STK32B: variants seen among roughly 807,000 people sequenced by gnomAD.
The protein encoded by STK32B is serine/threonine-protein kinase 32B.
Under a neutral mutation model 52.6 loss-of-function variants are expected in STK32B, and 43 were observed. That is an observed-to-expected ratio of 0.82 (90% CI 0.64 to 1.05). The LOEUF (loss-of-function observed/expected upper bound fraction) is 1.05, where lower values mean the gene tolerates loss of function less well. STK32B is among the 50% of genes least tolerant of loss of function. STK32B has a pLI of 0.00. For missense variants in STK32B, 621 were observed against 534.6 expected, an observed-to-expected ratio of 1.16 and a Z score of -1.59; for synonymous variants, 238 against 204.3, an observed-to-expected ratio of 1.17 and a Z score of -1.41.
intron 3 of STK32B, among the ~76,000 whole-genome samples, chr4:5,253,248 G>A (rs923602021): frequency 2.0e-5 from 3 of 151,976 alleles, no homozygotes; most frequent in African/African-American, 7.2e-5. Context: ...CTTGAAGAAA[G>A]CCTACCTGGA....
chr4:5,310,263 G>A (rs6855153), intron 3 of STK32B, among the ~76,000 whole-genome samples: 19,476 of 152,064 alleles, frequency 0.13, 2,703 homozygotes, highest in African/African-American at 0.36. Flanking sequence ...TTCAGAATGG[G>A]AGAAAATATT....
At chr4:5,154,845 G>A (rs1212309117) in intron 2 of STK32B, among the ~76,000 whole-genome samples, 1 of 152,168 alleles carries the variant, frequency 6.6e-6, no homozygotes, top group Non-Finnish European at 1.5e-5. Context: ...GGGTGAGAGA[G>A]GGAAGAGGAC....
rs551872858 is a variant in STK32B, at chr4:5,257,109, A to T, written c.261-74111A>T. Among the ~76,000 whole-genome samples the T allele has an allele frequency of 1.2e-4, 18 of 152,162 alleles. 1 individual carries two copies. In the South Asian group the frequency reaches 3.5e-3, roughly 30 times the overall value. ...TGAATGAATGAATGAGTGAGTGAACAAGTGAACGTGAGGGTGAATGAGTGA... is the reference window on the plus strand; with the variant it reads ...TGAATGAATGAATGAGTGAGTGAACTAGTGAACGTGAGGGTGAATGAGTGA... On this transcript the variant is annotated intron_variant, in intron 3 of 11. Transcript: ENST00000282908.
intron 5 of STK32B, among the ~76,000 whole-genome samples, chr4:5,416,238 T>C (rs768170257): frequency 4.6e-5 from 7 of 152,112 alleles, no homozygotes; most frequent in Non-Finnish European, 7.3e-5. Flanking sequence ...ATCACTTAGT[T>C]TCCTTCCCTT....
chr4:5,179,521 G>T (rs1469958711), intron 3 of STK32B, among the ~76,000 whole-genome samples: 1 of 152,156 alleles, frequency 6.6e-6, no homozygotes, highest in Non-Finnish European at 1.5e-5. Context: ...ATATTAGATA[G>T]ATGATACATA....
intron 6 of STK32B, among the ~76,000 whole-genome samples, chr4:5,430,613 ATTT>A (rs1029737776): frequency 6.6e-6 from 1 of 152,086 alleles, no homozygotes; most frequent in Non-Finnish European, 1.5e-5. Flanking sequence ...GTGTCTGATA[ATTT>A]TTTATTAAAA....
At chr4:5,361,404 T>C (rs62297294) in intron 4 of STK32B, among the ~76,000 whole-genome samples, 18,772 of 152,210 alleles carry the variant, frequency 0.12, 1,901 homozygotes, top group African/African-American at 0.25. Context: ...ATTTTATTTA[T>C]GGTGTCATCC....
chr4:5,393,075 C>A lies in STK32B; in HGVS notation c.435-5132C>A, dbSNP rs567946998. On this transcript the variant is annotated intron_variant, in intron 4 of 11. Transcript: ENST00000282908. ...AATGACAGATTCTAAGCATCCTATCCCACATCAGCTTGCTGATGGATGGGT... is the reference window on the plus strand; with the variant it reads ...AATGACAGATTCTAAGCATCCTATCACACATCAGCTTGCTGATGGATGGGT... Among the ~76,000 whole-genome samples the A allele has an allele frequency of 1.6e-3, 247 of 152,286 alleles. 1 individual carries two copies. Among genetic ancestry groups the A allele is most frequent in the African/African-American group, 5.8e-3 (241 of 41,544 alleles).
At chr4:5,297,681 T>C (rs1729295234) in intron 3 of STK32B, among the ~76,000 whole-genome samples, 1 of 151,730 alleles carries the variant, frequency 6.6e-6, no homozygotes, top group Non-Finnish European at 1.5e-5. Flanking sequence ...GCAGTTCCTG[T>C]AACCCTTTAT....
Position 5,467,934 on chromosome 4 carries a change from T to G in STK32B, c.1042-72T>G. ...TTCCATCTAGGTCAGTCTGCCGTCC[T>G]GTGATGCTCCATTACCGCGCGTCCC... On this transcript the variant is annotated intron_variant, in intron 10 of 11. Transcript: ENST00000282908. The surrounding 1 kb of genome is among the most constrained non-coding windows in gnomAD (Gnocchi z 5.8). 6.4e-7 allele frequency: 1 copy of G among 1,555,754 alleles called. No individual in the cohort carries two copies. Among genetic ancestry groups the G allele is most frequent in the South Asian group, 1.1e-5 (1 of 89,824 alleles).
chr4:5,460,297 C>G lies in STK32B; in HGVS notation c.909+69C>G. The stretch of plus-strand genomic sequence containing the variant: ...GTCCCCGCCTTGGTGCAAAGCAAGA[C>G]TTTGGCAGCTGGCTAGTGAGCCCTC... On this transcript the variant is annotated intron_variant, in intron 9 of 11. Transcript: ENST00000282908. The surrounding 1 kb of genome is among the most constrained non-coding windows in gnomAD (Gnocchi z 4.8). 1 of 1,542,038 alleles carries G rather than the reference C, an allele frequency of 6.5e-7. No homozygotes were observed. Among genetic ancestry groups the G allele is most frequent in the South Asian group, 1.3e-5 (1 of 78,842 alleles).
intron 1 of STK32B, among the ~76,000 whole-genome samples, chr4:5,101,277 C>T (rs780585304): frequency 2.6e-5 from 4 of 152,086 alleles, no homozygotes; most frequent in Admixed American, 6.5e-5. Context: ...GGTGGCTTCC[C>T]GGGAGGGTCT....
chr4:5,245,988 C>G (rs150341406), intron 3 of STK32B, among the ~76,000 whole-genome samples: 3,458 of 152,286 alleles, frequency 0.023, 60 homozygotes, highest in South Asian at 0.052. Context: ...CGACCTTTCT[C>G]TTTGGCTGCC....
At chr4:5,107,331 A>C (rs941792455) in intron 1 of STK32B, among the ~76,000 whole-genome samples, 1 of 152,148 alleles carries the variant, frequency 6.6e-6, no homozygotes, top group Non-Finnish European at 1.5e-5. Context: ...ATTTCATTAT[A>C]TATTACAGTG....
chr4:5,186,344 A>C (rs183555729), intron 3 of STK32B, among the ~76,000 whole-genome samples: 7 of 152,102 alleles, frequency 4.6e-5, no homozygotes, highest in African/African-American at 1.7e-4. Context: ...TACCTTATTC[A>C]TCTCTGTCTC....
chr4:5,170,378 A>T (rs1190511918), intron 3 of STK32B, among the ~76,000 whole-genome samples: 2 of 152,138 alleles, frequency 1.3e-5, no homozygotes, highest in Non-Finnish European at 2.9e-5. Flanking sequence ...TTACATATGT[A>T]TACATGTGAC....
intron 3 of STK32B, among the ~76,000 whole-genome samples, chr4:5,298,874 T>G (rs1729377313): frequency 6.6e-6 from 1 of 151,784 alleles, no homozygotes; most frequent in South Asian, 2.1e-4. Flanking sequence ...GCTCAGTGTC[T>G]GCCCAAACAG....
At chr4:5,259,560 A>G (rs1430971298) in intron 3 of STK32B, among the ~76,000 whole-genome samples, 1 of 152,220 alleles carries the variant, frequency 6.6e-6, no homozygotes, top group African/African-American at 2.4e-5. Context: ...TGTGTCACAC[A>G]GTTACATAAA....
At chr4:5,494,515 T>C (rs1720042493) in intron 11 of STK32B, among the ~76,000 whole-genome samples, 1 of 152,228 alleles carries the variant, frequency 6.6e-6, no homozygotes, top group African/African-American at 2.4e-5. Flanking sequence ...TGGATGGCTC[T>C]TGACTCTTTA....
Sources: allele counts gnomAD v4.1 joint callset (sites outside exome capture counted in the v4.1 genomes callset), GRCh38; gene constraint gnomAD v4.1.1; non-coding constraint Gnocchi (gnomAD v3.1); transcripts MANE v1.5; gene names NCBI Gene and HGNC (gene_info 2026-07-23, HGNC 2026-07-21).